Variants in CYRIB observed in about 807,000 individuals in gnomAD.
CYRIB encodes CYFIP related Rac1 interactor B.
In CYRIB, 8 loss-of-function variants were observed where a neutral mutation model predicts 44.2. The observed-to-expected ratio is 0.18, with a 90% CI of 0.11 to 0.33. The LOEUF (loss-of-function observed/expected upper bound fraction) is 0.33, where lower values mean the gene tolerates loss of function less well. Ranked by LOEUF, CYRIB falls within the 10% of genes least tolerant of loss-of-function variation. CYRIB has a pLI of 1.00. For synonymous variants in CYRIB, 131 were observed against 127.2 expected, an observed-to-expected ratio of 1.03 and a Z score of -0.20; for missense variants, 185 against 382.8, an observed-to-expected ratio of 0.48 and a Z score of 4.31.
chr8:130,000,860 CCT>C (rs2096891576), intron 1 of CYRIB, among the ~76,000 whole-genome samples: 1 of 151,560 alleles, frequency 6.6e-6, no homozygotes, highest in Admixed American at 6.6e-5. Context: ...AGAGCAAGAC[CCT>C]GTTTCTAAAA....
chr8:130,014,870 A>C (rs1053146721), intron 1 of CYRIB, among the ~76,000 whole-genome samples: 5 of 151,806 alleles, frequency 3.3e-5, no homozygotes, highest in Admixed American at 1.3e-4. Flanking sequence ...TAGAAAAGTC[A>C]CCTCTTCCGG....
chr8:129,915,822 G>A (rs2080457108), intron 1 of CYRIB, among the ~76,000 whole-genome samples: 3 of 152,156 alleles, frequency 2.0e-5, no homozygotes, highest in Non-Finnish European at 4.4e-5. Context: ...TCTAAGGTAT[G>A]TATTTACTCT....
intron 1 of CYRIB, among the ~76,000 whole-genome samples, chr8:130,006,526 C>G (rs1488192805): frequency 1.5e-5 from 2 of 134,258 alleles, no homozygotes; most frequent in Non-Finnish European, 3.2e-5. Flanking sequence ...AGGTGGATCA[C>G]CTGAGGTCAG....
intron 1 of CYRIB, among the ~76,000 whole-genome samples, chr8:129,982,266 T>C (rs1446448642): frequency 6.6e-6 from 1 of 152,194 alleles, no homozygotes; most frequent in Non-Finnish European, 1.5e-5. Flanking sequence ...CTCAGCCCTG[T>C]CCAATAGAAC....
At chr8:129,848,546 T>C (rs1362209788) in intron 10 of CYRIB, among the ~76,000 whole-genome samples, 1 of 152,178 alleles carries the variant, frequency 6.6e-6, no homozygotes, top group Non-Finnish European at 1.5e-5. Context: ...AAAGTCTTCA[T>C]CTTTTTCCAC....
chr8:130,002,221 G>A (rs1205396500), intron 1 of CYRIB, among the ~76,000 whole-genome samples: 1 of 152,212 alleles, frequency 6.6e-6, no homozygotes, highest in Non-Finnish European at 1.5e-5. Context: ...AGCACTTTGG[G>A]AAGCCAAGGC....
Position 129,994,419 on chromosome 8 carries a change from C to A in CYRIB, c.-296+21951G>T, listed in dbSNP as rs879911292. Among the ~76,000 whole-genome samples, 36 of 152,194 alleles carry A rather than the reference C, an allele frequency of 2.4e-4. 1 individual carries two copies. Among genetic ancestry groups the A allele is most frequent in the Non-Finnish European group, 4.9e-4 (33 of 68,030 alleles). On this transcript the variant is annotated intron_variant, in intron 1 of 14. Coordinates refer to the CYRIB transcript ENST00000401979. ...CCAGTTTGTGAGATGTGTAAAGCAG[C>A]CCCGGGAAGCTGATACAGGTTTCTT...
intron 2 of CYRIB, among the ~76,000 whole-genome samples, chr8:129,892,339 T>C (rs2065803077): frequency 6.6e-6 from 1 of 152,232 alleles, no homozygotes; most frequent in Non-Finnish European, 1.5e-5. Flanking sequence ...TAGACAAATA[T>C]AGTATTCTGA....
intron 1 of CYRIB, among the ~76,000 whole-genome samples, chr8:129,907,269 A>G (rs1404961013): frequency 6.6e-6 from 1 of 152,230 alleles, no homozygotes; most frequent in African/African-American, 2.4e-5. Flanking sequence ...ATGCAGCCAT[A>G]AAAAATGATG....
chr8:129,981,814 C>T (rs920920115), intron 1 of CYRIB, among the ~76,000 whole-genome samples: 17 of 152,152 alleles, frequency 1.1e-4, no homozygotes, highest in African/African-American at 3.1e-4. Flanking sequence ...AACTGCTTCC[C>T]GGGCTTCAGG....
intron 2 of CYRIB, among the ~76,000 whole-genome samples, chr8:129,953,344 G>A (rs923554898): frequency 1.3e-5 from 2 of 152,062 alleles, no homozygotes; most frequent in Admixed American, 1.3e-4. Context: ...GTTCGTGAGC[G>A]GACTCTTGAC....
chr8:129,871,613 T>A, intron 3 of CYRIB, 117 bp from the exon 6 acceptor site: 1 of 1,034,276 alleles, frequency 9.7e-7, no homozygotes, highest in Non-Finnish European at 1.4e-6. Context: ...CTAGTTAATG[T>A]TAACTTTGAA....
chr8:129,963,993 G>T (rs2095376612), intron 2 of CYRIB, among the ~76,000 whole-genome samples: 1 of 152,146 alleles, frequency 6.6e-6, no homozygotes, highest in South Asian at 2.1e-4. Flanking sequence ...CCTACTTACT[G>T]AATTTATTTC....
rs141753802 is a variant in CYRIB at position 129,970,019 on chromosome 8, TG to T, written c.-243+923del. ...CAGACGTCAGAATAGTGCTTATCTC[TG>T]GGGCAACACTAAGTGCAAAGGGCAT... is the stretch of plus-strand genomic sequence containing the variant. On this transcript the variant is annotated intron_variant, in intron 2 of 14. Coordinates refer to the CYRIB transcript ENST00000401979. Among the ~76,000 whole-genome samples, 694 of 152,318 alleles carry T rather than the reference TG, an allele frequency of 4.6e-3. 6 individuals are homozygous for T. The highest frequency in any genetic ancestry group is 0.016 in the African/African-American group (668 of 41,566).
intron 1 of CYRIB, among the ~76,000 whole-genome samples, chr8:129,924,273 CAAAA>C (rs34140791): frequency 4.4e-5 from 2 of 45,228 alleles, no homozygotes; most frequent in Non-Finnish European, 7.5e-5. Flanking sequence ...GACCTGCCTC[CAAAA>C]AAAAAAAAAA....
In CYRIB at chr8:129,883,394, C is replaced by T. The variant is rs140611840; in HGVS notation, c.-10-3923G>A. Among the ~76,000 whole-genome samples the T allele has an allele frequency of 5.9e-5, 9 of 152,014 alleles. No homozygotes were observed. The East Asian group carries it at 7.7e-4, about 13-fold the overall frequency. The stretch of plus-strand genomic sequence containing the variant: ...GAGAATCACTACAACTGTTGTCCAG[C>T]GCAAAAATTCGCTCTACCACATAGC... On this transcript the variant is annotated intron_variant, in intron 2 of 11. Coordinates refer to ENST00000519824, the Ensembl canonical transcript of CYRIB.
chr8:129,842,275 A>T, intron 11 of CYRIB, 70 bp from the exon 14 acceptor site: 1 of 1,080,044 alleles, frequency 9.3e-7, no homozygotes, highest in Non-Finnish European at 1.4e-6. Flanking sequence ...TTCTCTAATT[A>T]TGACAGGATG....
intron 6 of CYRIB, 102 bp downstream of exon 8, chr8:129,855,509 A>G: frequency 1.6e-6 from 2 of 1,264,238 alleles, no homozygotes; most frequent in Admixed American, 1.9e-5. Context: ...TCTAGCAGAC[A>G]TCATTTAAAT....
chr8:129,932,677 G>T (rs191110006), intron 1 of CYRIB, among the ~76,000 whole-genome samples: 101 of 152,262 alleles, frequency 6.6e-4, no homozygotes, highest in African/African-American at 2.4e-3. Context: ...TTATTAGCTT[G>T]CAAGTAGGAT....
Sources: allele counts gnomAD v4.1 joint callset (sites outside exome capture counted in the v4.1 genomes callset), GRCh38; gene constraint gnomAD v4.1.1; transcripts MANE v1.5; gene names NCBI Gene and HGNC (gene_info 2026-07-23, HGNC 2026-07-21).